The following LRRC7 variants were observed in gnomAD, a reference collection of about 807,000 sequenced individuals.
LRRC7 encodes leucine-rich repeat-containing protein 7.
Under a neutral mutation model 175.7 loss-of-function variants are expected in LRRC7, and 23 were observed. The ratio of observed to expected loss-of-function variants is 0.13; its 90% CI spans 0.09 to 0.19. The LOEUF (loss-of-function observed/expected upper bound fraction) is 0.19, where lower values mean the gene tolerates loss of function less well. Among genes scored for constraint, LRRC7 ranks in the 10% least tolerant of loss-of-function variants. The probability of loss-of-function intolerance (pLI) is 1.00; values close to 1 mark genes in which losing one functional copy is unlikely to be tolerated. For synonymous variants in LRRC7, 685 were observed against 680.9 expected (o/e 1.01, Z -0.09); for missense variants, 1,354 against 1,904.7 (o/e 0.71, Z 5.38).
chr1:70,099,806 C>CT (rs1346768869), intron 25 of LRRC7, among the ~76,000 whole-genome samples: 3 of 152,122 alleles, frequency 2.0e-5, no homozygotes, highest in African/African-American at 7.2e-5. Context: ...ATTAGGGACT[C>CT]TGACTGGATC....
chr1:69,777,346 T>A (rs1672926665), intron 3 of LRRC7, among the ~76,000 whole-genome samples: 1 of 152,178 alleles, frequency 6.6e-6, no homozygotes, highest in Non-Finnish European at 1.5e-5. Flanking sequence ...AACTGTATAA[T>A]CCATTCGACC....
Position 70,141,577 on chromosome 1 carries a change from A to AAAAT in LRRC7, c.*19692_*19695dup, listed in dbSNP as rs1163495804. ...AAAAATCAATGAATTCAGGGGAATG[A>AAAAT]AAATACATGTTAGAAATTAAAATGT... On this transcript the variant is annotated 3_prime_UTR_variant, in exon 27 of 27. Coordinates refer to ENST00000651989, the MANE Select transcript of LRRC7 (RefSeq NM_001370785.2). The AAAAT allele has an allele frequency of 1.3e-5, 2 of 152,138 alleles. No homozygotes were observed. The highest frequency in any genetic ancestry group is 4.8e-5 in the African/African-American group (2 of 41,436). The allele number at this position is 152,138 out of a possible 1,614,324, so 9.4% of individuals were successfully genotyped here. A position where few individuals can be genotyped will look rare whatever the true frequency, so the allele number is the denominator to read the frequency against.
intron 8 of LRRC7, among the ~76,000 whole-genome samples, chr1:69,971,950 G>A (rs1025447023): frequency 5.9e-5 from 9 of 152,118 alleles, no homozygotes; most frequent in South Asian, 2.1e-4. Context: ...ACAGAATAGC[G>A]AACTCAGAAA....
chr1:69,607,327 C>T (rs1280773833), intron 1 of LRRC7: 1 of 152,076 alleles, frequency 6.6e-6, no homozygotes, highest in Non-Finnish European at 1.5e-5. Flanking sequence ...TTGCTACTTT[C>T]TTCTCTTTTA....
At position 69,972,129 on chromosome 1, in the gene LRRC7, G is replaced by A. The variant is rs148160634; in HGVS notation, c.712-8250G>A. ...CCTTATACAAAAATCAACTCAAGATGGATGAAGGACTTAAATCTAAGACCG... is the reference window on the plus strand; with the variant it reads ...CCTTATACAAAAATCAACTCAAGATAGATGAAGGACTTAAATCTAAGACCG... On this transcript the variant is annotated intron_variant, in intron 8 of 26. Coordinates refer to ENST00000651989, the MANE Select transcript of LRRC7 (RefSeq NM_001370785.2). Among the ~76,000 whole-genome samples the A allele has an allele frequency of 3.4e-3, 518 of 152,278 alleles. 4 individuals are homozygous for A. Among genetic ancestry groups the A allele is most frequent in the African/African-American group, 0.012 (483 of 41,558 alleles).
At chr1:69,697,871 A>G (rs56703600) in intron 2 of LRRC7, among the ~76,000 whole-genome samples, 12,036 of 152,268 alleles carry the variant, frequency 0.079, 598 homozygotes, top group East Asian at 0.13. Flanking sequence ...GACTTAGTGC[A>G]TCTAGCCTCA....
chr1:69,673,547 G>A (rs1182494701), intron 1 of LRRC7, among the ~76,000 whole-genome samples: 1 of 152,122 alleles, frequency 6.6e-6, no homozygotes, highest in Non-Finnish European at 1.5e-5. Flanking sequence ...ACCTGGCTGT[G>A]CTCCAAGATT....
At chr1:69,854,576 C>A (rs1683370631) in intron 7 of LRRC7, among the ~76,000 whole-genome samples, 1 of 152,068 alleles carries the variant, frequency 6.6e-6, no homozygotes, top group African/African-American at 2.4e-5. Flanking sequence ...TTTAAACCAA[C>A]TTACTGAGGG....
At chr1:70,093,120 C>T (rs114553517) in intron 25 of LRRC7, among the ~76,000 whole-genome samples, 62 of 152,210 alleles carry the variant, frequency 4.1e-4, no homozygotes, top group African/African-American at 1.3e-3. Context: ...AAATTAGTTG[C>T]CTCTGTCCTC....
At chr1:69,926,847 G>A (rs558772564) in intron 7 of LRRC7, among the ~76,000 whole-genome samples, 91 of 152,078 alleles carry the variant, frequency 6.0e-4, no homozygotes, top group Middle Eastern at 3.2e-3. Flanking sequence ...TGATCCTGTC[G>A]TTATGCTGTT....
intron 7 of LRRC7, among the ~76,000 whole-genome samples, chr1:69,865,801 TGATAAA>T (rs879832002): frequency 1.3e-5 from 2 of 151,966 alleles, no homozygotes; most frequent in Non-Finnish European, 2.9e-5. Context: ...TTTATGTAAG[TGATAAA>T]GATAAACAGC....
At chr1:69,755,534 T>C (rs1039498074) in intron 2 of LRRC7, among the ~76,000 whole-genome samples, 2 of 150,772 alleles carry the variant, frequency 1.3e-5, no homozygotes, top group Non-Finnish European at 3.0e-5. Flanking sequence ...TATATCTACA[T>C]TGCATATATA....
chr1:70,090,183 A>G lies in LRRC7; in HGVS notation c.4545+364A>G, dbSNP rs192456602. ...CCAAAGGTTAACTCGTAAGTCACTT[A>G]TTTAGGAAACTGTTTTCTCACAGTA... is the stretch of plus-strand genomic sequence containing the variant. On this transcript the variant is annotated intron_variant, in intron 25 of 26. Transcript: ENST00000651989. Among the ~76,000 whole-genome samples, 453 of 152,290 alleles carry G rather than the reference A, an allele frequency of 3.0e-3. 1 individual carries two copies. Among genetic ancestry groups the G allele is most frequent in the Admixed American group, 5.6e-3 (85 of 15,266 alleles).
intron 17 of LRRC7, among the ~76,000 whole-genome samples, chr1:70,024,522 A>G (rs1244145469): frequency 1.3e-5 from 2 of 152,030 alleles, no homozygotes; most frequent in African/African-American, 2.4e-5. Flanking sequence ...TTTTAGTAAA[A>G]ATCTTGCATT....
intron 4 of LRRC7, among the ~76,000 whole-genome samples, chr1:69,792,557 G>A (rs1569905709): frequency 6.6e-6 from 1 of 151,884 alleles, no homozygotes. Context: ...CCCTTACTGG[G>A]CTTCAGTTTT....
At chr1:69,593,074 T>G (rs146759220) in intron 1 of LRRC7, among the ~76,000 whole-genome samples, 1 of 152,232 alleles carries the variant, frequency 6.6e-6, no homozygotes, top group Admixed American at 6.5e-5. Context: ...ATGTTTCTAA[T>G]TAATATTTGT....
rs76793961 is a variant in LRRC7 at position 70,067,230 on chromosome 1, G to A, written c.4231-8847G>A. Among the ~76,000 whole-genome samples the A allele has an allele frequency of 3.0e-3, 451 of 152,096 alleles. 1 individual carries two copies. The highest frequency in any genetic ancestry group is 0.01 in the African/African-American group (420 of 41,536). On this transcript the variant is annotated intron_variant, in intron 23 of 26. Coordinates refer to ENST00000651989, the MANE Select transcript of LRRC7 (RefSeq NM_001370785.2). The stretch of plus-strand genomic sequence containing the variant: ...ATTTACAAACATTTTCTCCAACTCT[G>A]TAGCTTGACTTTTTTTTCATTCTTT...
In LRRC7 at chr1:69,912,201, CAAGT is replaced by C. The variant is rs139702622; in HGVS notation, c.648-19303_648-19300del. Among the ~76,000 whole-genome samples the C allele has an allele frequency of 8.1e-3, 1,230 of 152,116 alleles. 15 individuals carry two copies. Among genetic ancestry groups the C allele is most frequent in the African/African-American group, 0.027 (1,125 of 41,494 alleles). On this transcript the variant is annotated intron_variant, in intron 7 of 26. Coordinates refer to ENST00000651989, the MANE Select transcript of LRRC7 (RefSeq NM_001370785.2). ...TTAATACTCAGAAAGCCCAATATAACAAGTAATAACTTTTTCAATAAAATATAGC... is the reference window on the plus strand; with the variant it reads ...TTAATACTCAGAAAGCCCAATATAACAATAACTTTTTCAATAAAATATAGC...
rs776127143 is a variant in LRRC7 at position 69,980,473 on chromosome 1, A to T, written c.786+20A>T. On this transcript the variant is annotated intron_variant, in intron 9 of 26. Coordinates refer to ENST00000651989, the MANE Select transcript of LRRC7 (RefSeq NM_001370785.2). ...CCTGGGGTATGTAAGTTTTTATTCT[A>T]CCATGTTGTTTAATATTTGTTATAC... 1 of 1,529,304 alleles carries T rather than the reference A, an allele frequency of 6.5e-7. No homozygotes were observed. Among genetic ancestry groups the T allele is most frequent in the Admixed American group, 1.8e-5 (1 of 56,734 alleles). 94.7% of individuals were successfully genotyped at this position (1,529,304 alleles called of 1,614,324 possible).
Sources: gnomAD v4.1 joint callset for allele counts (sites outside exome capture counted in the v4.1 genomes callset) on GRCh38, gnomAD v4.1.1 for gene constraint, MANE v1.5 for transcripts, NCBI Gene and HGNC (gene_info 2026-07-23, HGNC 2026-07-21) for gene names.